ZFHX3: variants seen among roughly 807,000 people sequenced by gnomAD.
The protein encoded by ZFHX3 is zinc finger homeobox 3.
ZFHX3 carries 42 observed loss-of-function variants against 279.1 expected under a neutral mutation model. That is an observed-to-expected ratio of 0.15 (90% CI 0.12 to 0.19). The LOEUF (loss-of-function observed/expected upper bound fraction) is 0.19. Ranked by LOEUF, ZFHX3 falls within the 10% of genes least tolerant of loss-of-function variation. The probability of loss-of-function intolerance (pLI) is 1.00; values close to 1 mark genes in which losing one functional copy is unlikely to be tolerated. For missense variants in ZFHX3, 4,981 were observed against 4,754.0 expected (o/e 1.05, Z -1.40); for synonymous variants, 2,293 against 1,957.8 (o/e 1.17, Z -4.52).
intron 2 of ZFHX3, among the ~76,000 whole-genome samples, chr16:73,531,128 C>A (rs2019794402): frequency 6.6e-6 from 1 of 152,176 alleles, no homozygotes; most frequent in African/African-American, 2.4e-5. Context: ...GATGTCTTGC[C>A]TTTCCTAATA....
chr16:72,958,161 A>G lies in ZFHX3; in HGVS notation c.1985T>C (p.Met662Thr). Reference sequence around the variant, plus strand: ...TGTCTTACACGAGTTACGAGAATGCATCATGGTCATGTGGCCGCCCAGCGA... The same window carrying G: ...TGTCTTACACGAGTTACGAGAATGCGTCATGGTCATGTGGCCGCCCAGCGA... ...SRSLGGHMTM[M>T]HSRNSCKTLK... Residue 662 changes from methionine (M) to threonine (T), a missense_variant, in exon 2 of 10, where the codon ATG becomes ACG. Transcript: ENST00000268489. 1.9e-6 allele frequency: 3 copies of G among 1,613,964 alleles called. No individual in the cohort carries two copies. The highest frequency in any genetic ancestry group is 2.5e-6 in the Non-Finnish European group (3 of 1,179,834).
At chr16:72,978,054 G>A (rs1427654471) in intron 1 of ZFHX3, among the ~76,000 whole-genome samples, 1 of 152,018 alleles carries the variant, frequency 6.6e-6, no homozygotes, top group Non-Finnish European at 1.5e-5. Flanking sequence ...TAGTAGAAAC[G>A]GGGTTTCACC....
intron 7 of ZFHX3, 127 bp from the exon 8 acceptor site, chr16:72,800,256 T>C (rs551498653): frequency 9.9e-6 from 7 of 706,682 alleles, no homozygotes; most frequent in South Asian, 7.1e-5. Context: ...TCACTTTTCA[T>C]AGCTCACTGA....
chr16:73,347,696 T>C (rs1246036749), intron 3 of ZFHX3, among the ~76,000 whole-genome samples: 2 of 152,256 alleles, frequency 1.3e-5, no homozygotes, highest in East Asian at 3.8e-4. Context: ...ATTTCATCTG[T>C]TTTGCAGAAA....
intron 2 of ZFHX3, among the ~76,000 whole-genome samples, chr16:73,644,224 T>TCC (rs1483305656): frequency 6.6e-6 from 1 of 152,142 alleles, no homozygotes; most frequent in Non-Finnish European, 1.5e-5. Context: ...GTTGATGACT[T>TCC]CCGAGTCCTC....
At chr16:72,999,963 G>T (rs1425726999) in intron 1 of ZFHX3, among the ~76,000 whole-genome samples, 1 of 152,180 alleles carries the variant, frequency 6.6e-6, no homozygotes, top group African/African-American at 2.4e-5. Context: ...GTTCACTTCT[G>T]GCTTGTCGCT....
At chr16:73,155,180 C>CAAAAAAAAA (rs780941621) in intron 5 of ZFHX3, among the ~76,000 whole-genome samples, 1 of 105,216 alleles carries the variant, frequency 9.5e-6, no homozygotes, top group Non-Finnish European at 2.0e-5. Context: ...CTCAAAAAAA[C>CAAAAAAAAA]AAAAAAAAAA....
intron 5 of ZFHX3, among the ~76,000 whole-genome samples, chr16:73,155,406 C>T (rs1005401182): frequency 3.3e-5 from 5 of 152,088 alleles, no homozygotes; most frequent in African/African-American, 9.7e-5. Context: ...CAAGAGGAAA[C>T]AGAGTGGAAA....
chr16:72,834,585 G>A (rs561828324), intron 4 of ZFHX3, among the ~76,000 whole-genome samples: 1 of 152,228 alleles, frequency 6.6e-6, no homozygotes, highest in Admixed American at 6.5e-5. Context: ...TTCCCCCATC[G>A]GTGGTGAAAT....
rs1465868935 is a variant in ZFHX3, at chr16:73,591,343, A to C, written c.-1547+88837T>G. ...ACTCCAGCCTGGGTGACAAAGCAAGACTCTGCCTCAAAAACAAAAAACAAA... is the reference window on the plus strand; with the variant it reads ...ACTCCAGCCTGGGTGACAAAGCAAGCCTCTGCCTCAAAAACAAAAAACAAA... On this transcript the variant is annotated intron_variant, in intron 2 of 17. Transcript: ENST00000641206. 4.0e-5 allele frequency among the ~76,000 whole-genome samples: 6 copies of C among 151,436 alleles called. No individual in the cohort carries two copies. In the East Asian group the frequency reaches 1.2e-3, roughly 30 times the overall value.
At chr16:73,152,033 G>A (rs780255461) in intron 5 of ZFHX3, among the ~76,000 whole-genome samples, 4 of 151,736 alleles carry the variant, frequency 2.6e-5, no homozygotes, top group South Asian at 2.1e-4. Context: ...CTCTGTGGAG[G>A]AGACACGCAA....
At chr16:73,492,837 C>G (rs1189048376) in intron 2 of ZFHX3, among the ~76,000 whole-genome samples, 1 of 152,174 alleles carries the variant, frequency 6.6e-6, no homozygotes, top group Non-Finnish European at 1.5e-5. Flanking sequence ...TAAACTGCTC[C>G]TAGCGGACTG....
chr16:73,363,549 A>C (rs968133006), intron 3 of ZFHX3, among the ~76,000 whole-genome samples: 1 of 151,974 alleles, frequency 6.6e-6, no homozygotes, highest in Non-Finnish European at 1.5e-5. Context: ...CTGGCACTTT[A>C]ATTTTTTTTT....
chr16:72,805,134 C>G (rs1272853668), intron 7 of ZFHX3, among the ~76,000 whole-genome samples: 2 of 151,980 alleles, frequency 1.3e-5, no homozygotes, highest in Non-Finnish European at 2.9e-5. Context: ...TGCACCACCA[C>G]GCCCAGCTAT....
chr16:73,104,575 G>A (rs12596665), intron 7 of ZFHX3, among the ~76,000 whole-genome samples: 3 of 152,258 alleles, frequency 2.0e-5, no homozygotes, highest in East Asian at 1.9e-4. Context: ...TCTCAGTGAA[G>A]GAGTGGGACA....
chr16:72,793,301 C>G lies in ZFHX3; in HGVS notation c.9381G>C (p.Pro3127=), dbSNP rs200690104. 5.6e-6 allele frequency: 9 copies of G among 1,613,860 alleles called. No individual in the cohort carries two copies. The highest frequency in any genetic ancestry group is 1.3e-5 in the African/African-American group (1 of 74,892). ...ALQGIPPVLL[P]GLNSPSLPGF... The stretch of plus-strand genomic sequence containing the variant: ...CTGGCAAGGAGGGGCTGTTGAGGCC[C>G]GGGAGCAACACAGGAGGAATGCCCT... The change falls in exon 9 of 10, where the codon CCG becomes CCC. Residue 3127 remains proline (P), a synonymous_variant. Coordinates refer to ENST00000268489, the MANE Select transcript of ZFHX3 (RefSeq NM_006885.4). The surrounding 1 kb of genome is among the most constrained non-coding windows in gnomAD (Gnocchi z 4.3).
intron 1 of ZFHX3, among the ~76,000 whole-genome samples, chr16:73,736,516 A>G (rs977125189): frequency 2.0e-5 from 3 of 152,238 alleles, no homozygotes; most frequent in Admixed American, 1.3e-4. Flanking sequence ...TTTGATGTTT[A>G]TGAAATTGCT....
At chr16:73,763,395 A>C in intron 1 of ZFHX3, among the ~76,000 whole-genome samples, 1 of 152,202 alleles carries the variant, frequency 6.6e-6, no homozygotes, top group East Asian at 1.9e-4. Context: ...TTTCTTGGTT[A>C]TTATCTGCAT....
intron 4 of ZFHX3, among the ~76,000 whole-genome samples, chr16:73,261,668 GT>G (rs1187489542): frequency 0.17 from 13,926 of 80,272 alleles, 942 homozygotes; most frequent in East Asian, 0.46. Flanking sequence ...TCCTGTGATT[GT>G]TTTTTTTTTT....
Sources: gnomAD v4.1 joint callset for allele counts (sites outside exome capture counted in the v4.1 genomes callset) on GRCh38, gnomAD v4.1.1 for gene constraint, Gnocchi (gnomAD v3.1) non-coding constraint, MANE v1.5 for transcripts, NCBI Gene and HGNC (gene_info 2026-07-23, HGNC 2026-07-21) for gene names.